Variants in OAS2 observed in about 807,000 individuals in gnomAD.
OAS2 encodes 2'-5'-oligoadenylate synthase 2.
A neutral mutation model predicts 71.3 loss-of-function variants in OAS2; 67 were observed. The ratio of observed to expected loss-of-function variants is 0.94; its 90% CI spans 0.77 to 1.15. The LOEUF is 1.15. Ranked by LOEUF, OAS2 falls within the 50% of genes most tolerant of loss-of-function variation. OAS2 has a pLI of 0.00. For missense variants in OAS2, 789 were observed against 822.5 expected, an observed-to-expected ratio of 0.96 and a Z score of 0.50; for synonymous variants, 327 against 321.8, an observed-to-expected ratio of 1.02 and a Z score of -0.17.
Position 113,001,385 on chromosome 12 carries a change from T to C in OAS2, c.1009-1547T>C, listed in dbSNP as rs200849666. ...ATACATATATATACACACACACATA[T>C]ACACATATATATACACATATATACA... On this transcript the variant is annotated intron_variant, in intron 5 of 9. Transcript: ENST00000392583. Among the ~76,000 whole-genome samples, 21 of 49,952 alleles carry C rather than the reference T, an allele frequency of 4.2e-4. No individual in the cohort carries two copies. The African/African-American group carries it at 4.5e-3, about 11-fold the overall frequency. 32.8% of individuals were successfully genotyped at this position (49,952 alleles called of 152,430 possible).
chr12:113,002,805 G>C (rs2044300866), intron 5 of OAS2, 127 bp from the exon 6 acceptor site: 7 of 771,970 alleles, frequency 9.1e-6, no homozygotes, highest in Non-Finnish European at 1.5e-5. Context: ...AGACGGAAAA[G>C]ATGCCAGCCC....
intron 5 of OAS2, among the ~76,000 whole-genome samples, chr12:113,000,029 G>C (rs7958523): frequency 0.14 from 20,551 of 152,142 alleles, 2,138 homozygotes; most frequent in African/African-American, 0.28. Context: ...ACAAGCGTGA[G>C]CCACCTCACC....
intron 5 of OAS2, among the ~76,000 whole-genome samples, chr12:113,000,235 G>A (rs1014663115): frequency 5.3e-5 from 8 of 152,144 alleles, no homozygotes; most frequent in East Asian, 1.9e-4. Flanking sequence ...GGATGATTTC[G>A]ACAGTCATTC....
chr12:112,999,740 TC>T (rs1020643784), intron 5 of OAS2, among the ~76,000 whole-genome samples: 13 of 152,044 alleles, frequency 8.6e-5, no homozygotes, highest in African/African-American at 2.9e-4. Flanking sequence ...CAAAAAATTA[TC>T]CCCCCGACCT....
At chr12:112,989,085 G>T (rs1280156665) in intron 2 of OAS2, among the ~76,000 whole-genome samples, 1 of 152,204 alleles carries the variant, frequency 6.6e-6, no homozygotes, top group Admixed American at 6.5e-5. Flanking sequence ...ATCTTGAATT[G>T]TAGCTCCCAC....
chr12:113,003,605 G>A (rs1220594274), intron 6 of OAS2, among the ~76,000 whole-genome samples: 1 of 152,092 alleles, frequency 6.6e-6, no homozygotes, highest in Non-Finnish European at 1.5e-5. Context: ...AGATTCTAAG[G>A]AGCTTAGAAT....
At chr12:112,989,662 C>A (rs906049607) in intron 2 of OAS2, among the ~76,000 whole-genome samples, 6 of 152,148 alleles carry the variant, frequency 3.9e-5, no homozygotes, top group African/African-American at 1.4e-4. Flanking sequence ...GTAAATGTTT[C>A]TTATCAGACA....
At position 113,010,528 on chromosome 12, in the gene OAS2, A is replaced by T; in HGVS notation, c.*1273A>T. 6.2e-7 allele frequency: 1 copy of T among 1,602,446 alleles called. No individual in the cohort carries two copies. The highest frequency in any genetic ancestry group is 1.1e-5 in the South Asian group (1 of 89,930). ...TTTTAAAGACTCGGCTCACCGTGAG[A>T]AAGAGTCACTCACATCCATTCTTCC... is the stretch of plus-strand genomic sequence containing the variant. On this transcript the variant is annotated 3_prime_UTR_variant, in exon 10 of 10. Coordinates refer to ENST00000392583, the MANE Select transcript of OAS2 (RefSeq NM_002535.3).
At chr12:112,984,324 CTTCT>C (rs908547741) in intron 1 of OAS2, among the ~76,000 whole-genome samples, 3 of 151,996 alleles carry the variant, frequency 2.0e-5, no homozygotes, top group Non-Finnish European at 2.9e-5. Flanking sequence ...ATAAAATGAC[CTTCT>C]TTGTCTCTTT....
Position 113,006,570 on chromosome 12 carries a change from A to G in OAS2, c.1626A>G (p.Leu542=), listed in dbSNP as rs1156817881. 1 of 1,609,146 alleles carries G rather than the reference A, an allele frequency of 6.2e-7. No individual in the cohort carries two copies. Among genetic ancestry groups the G allele is most frequent in the South Asian group, 1.1e-5 (1 of 90,740 alleles). ...IRSRPTKLKD[L]IRLVKHWYKE... ...CCCGGCCCACCAAACTAAAGGATTT[A>G]ATTCGCCTGGTGAAGCACTGGTACA... Residue 542 remains leucine (L), a synonymous_variant, in exon 8 of 10, where the codon TTA becomes TTG. Transcript: ENST00000392583.
At chr12:112,995,506 AT>A (rs1565993771) in intron 3 of OAS2, 32 bp downstream of exon 3, 1 of 1,569,118 alleles carries the variant, frequency 6.4e-7, no homozygotes, top group African/African-American at 1.4e-5. Context: ...TATGGTTATC[AT>A]TCATTTCCTT....
intron 5 of OAS2, among the ~76,000 whole-genome samples, chr12:112,999,813 T>C (rs2044267881): frequency 6.6e-6 from 1 of 152,268 alleles, no homozygotes; most frequent in African/African-American, 2.4e-5. Context: ...AGTAAACTCC[T>C]ATGATCCCCT....
In OAS2 at chr12:113,005,197, T is replaced by A. The variant is rs1321609843; in HGVS notation, c.1443T>A (p.Asp481Glu). 3 of 1,613,940 alleles carry A rather than the reference T, an allele frequency of 1.9e-6. No homozygotes were observed. The East Asian group carries it at 6.7e-5, about 36-fold the overall frequency. ...TCCTCAACGAAAGTGTCAGCTTTGATGTGCTTCCTGCCTTTAATGCACTGG... is the reference window on the plus strand; with the variant it reads ...TCCTCAACGAAAGTGTCAGCTTTGAAGTGCTTCCTGCCTTTAATGCACTGG... ...SKVLNESVSFDVLPAFNALGQ... is the reference protein window; with the variant it reads ...SKVLNESVSFEVLPAFNALGQ... The change falls in exon 7 of 10, where the codon GAT becomes GAA. Residue 481 changes from aspartate to glutamate, a missense_variant. Coordinates refer to ENST00000392583, the MANE Select transcript of OAS2 (RefSeq NM_002535.3).
chr12:112,995,590 T>C, intron 3 of OAS2, 116 bp downstream of exon 3: 1 of 994,734 alleles, frequency 1.0e-6, no homozygotes, highest in Non-Finnish European at 1.5e-6. Flanking sequence ...TTTTACAATC[T>C]TACCAGCAAC....
chr12:112,980,663 A>G (rs1302170511), intron 1 of OAS2, among the ~76,000 whole-genome samples: 2 of 152,150 alleles, frequency 1.3e-5, no homozygotes, highest in African/African-American at 4.8e-5. Context: ...GGTTGATTCC[A>G]TATCTTGGCT....
chr12:112,997,471 G>A, intron 3 of OAS2, 49 bp from the exon 4 acceptor site: 1 of 1,500,900 alleles, frequency 6.7e-7, no homozygotes, highest in Non-Finnish European at 9.2e-7. Context: ...CCCTGACATG[G>A]TAAGAACTAG....
chr12:112,991,286 C>T (rs1416950908), intron 2 of OAS2, among the ~76,000 whole-genome samples: 2 of 152,230 alleles, frequency 1.3e-5, no homozygotes, highest in Non-Finnish European at 2.9e-5. Flanking sequence ...GCTCCAGTAG[C>T]AATTTGTGCT....
chr12:113,010,581 TG>T lies in OAS2; in HGVS notation c.*1327del. ...TGATGGTCCCTATTCCTCCTTCCCT[TG>T]CTTCTTGGACTTCTTGAAATCAATC... On this transcript the variant is annotated 3_prime_UTR_variant, in exon 10 of 10. Transcript: ENST00000392583. The T allele has an allele frequency of 1.3e-6, 2 of 1,519,444 alleles. No individual in the cohort carries two copies. The highest frequency in any genetic ancestry group is 2.8e-5 in the African/African-American group (2 of 72,176). The allele number at this position is 1,519,444 out of a possible 1,614,324, so 94.1% of individuals were successfully genotyped here.
chr12:113,006,341 G>T, intron 7 of OAS2, 72 bp from the exon 8 acceptor site: 1 of 1,265,846 alleles, frequency 7.9e-7, no homozygotes, highest in Non-Finnish European at 1.1e-6. Flanking sequence ...AATCATATTT[G>T]TCAAAAATGT....
Sources: gnomAD v4.1 joint callset for allele counts (sites outside exome capture counted in the v4.1 genomes callset) on GRCh38, gnomAD v4.1.1 for gene constraint, MANE v1.5 for transcripts, NCBI Gene and HGNC (gene_info 2026-07-23, HGNC 2026-07-21) for gene names.